Variants in LRP1B observed in about 807,000 individuals in gnomAD.
The protein encoded by LRP1B is low-density lipoprotein receptor-related protein 1B.
In LRP1B, 217 loss-of-function variants were observed where a neutral mutation model predicts 556.6. That is an observed-to-expected ratio of 0.39 (90% CI 0.35 to 0.44). The LOEUF (loss-of-function observed/expected upper bound fraction) is 0.44, where lower values mean the gene tolerates loss of function less well. Among genes scored for constraint, LRP1B ranks in the 20% least tolerant of loss-of-function variants. The probability of loss-of-function intolerance (pLI) is 1.00; values close to 1 mark genes in which losing one functional copy is unlikely to be tolerated. For synonymous variants in LRP1B, 2,047 were observed against 1,865.8 expected, an observed-to-expected ratio of 1.10 and a Z score of -2.50; for missense variants, 5,053 against 5,620.8, an observed-to-expected ratio of 0.90 and a Z score of 3.23.
Position 141,077,871 on chromosome 2 carries a change from T to C in LRP1B, c.1014-15598A>G, listed in dbSNP as rs75577402. 2.4e-3 allele frequency among the ~76,000 whole-genome samples: 370 copies of C among 152,266 alleles called. 18 individuals carry two copies. In the East Asian group the frequency reaches 0.068, roughly 28 times the overall value. The stretch of plus-strand genomic sequence containing the variant: ...ATTTTGACTAATACAGTATCCAAAA[T>C]TCTTTTGGAGACCACTTCTCTGCCA... On this transcript the variant is annotated intron_variant, in intron 7 of 90. Coordinates refer to ENST00000389484, the MANE Select transcript of LRP1B (RefSeq NM_018557.3).
At chr2:142,044,668 T>G (rs530629419) in intron 1 of LRP1B, among the ~76,000 whole-genome samples, 1 of 151,862 alleles carries the variant, frequency 6.6e-6, no homozygotes, top group Non-Finnish European at 1.5e-5. Context: ...CCAAGGATAT[T>G]CATCAATTCT....
intron 41 of LRP1B, among the ~76,000 whole-genome samples, chr2:140,694,407 C>T (rs1339112635): frequency 1.3e-5 from 2 of 152,244 alleles, no homozygotes; most frequent in East Asian, 3.9e-4. Flanking sequence ...GAAGATTTTA[C>T]TCTTGTTGCT....
At chr2:141,633,966 C>A (rs550359639) in intron 2 of LRP1B, among the ~76,000 whole-genome samples, 1 of 151,786 alleles carries the variant, frequency 6.6e-6, no homozygotes, top group Non-Finnish European at 1.5e-5. Context: ...CTTGATTCTA[C>A]GGAGATTAAC....
At position 140,487,657 on chromosome 2, in the gene LRP1B, C is replaced by G. The variant is rs1688524453; in HGVS notation, c.9203G>C (p.Ser3068Thr). The change falls in exon 58 of 91, where the codon AGT becomes ACT. Residue 3068 changes from serine to threonine, a missense_variant. Ser to Thr is a moderately conservative substitution (Grantham distance 58, BLOSUM62 1). Coordinates refer to ENST00000389484, the MANE Select transcript of LRP1B (RefSeq NM_018557.3). ...ATTTAAACACATTCTATTTATGCGA[C>G]TGCCATTGGGTCGGCTAGAATCGAT... ...YWIDSSRPNG[S>T]RINRMCLNGS... The G allele has an allele frequency of 6.2e-7, 1 of 1,608,204 alleles. No homozygotes were observed. The highest frequency in any genetic ancestry group is 1.1e-5 in the South Asian group (1 of 90,666).
chr2:140,456,681 C>T, intron 61 of LRP1B, 78 bp from the exon 62 acceptor site: 1 of 1,276,866 alleles, frequency 7.8e-7, no homozygotes, highest in Non-Finnish European at 1.1e-6. Context: ...AGAGATAGGA[C>T]TTTTAAGCTG....
At chr2:140,944,318 C>T (rs1208731932) in intron 20 of LRP1B, among the ~76,000 whole-genome samples, 1 of 152,044 alleles carries the variant, frequency 6.6e-6, no homozygotes, top group Non-Finnish European at 1.5e-5. Flanking sequence ...GATGGATTCA[C>T]AGTCAAATTC....
intron 9 of LRP1B, among the ~76,000 whole-genome samples, chr2:141,057,270 C>A (rs1574029357): frequency 1.3e-5 from 2 of 152,008 alleles, no homozygotes; most frequent in East Asian, 3.9e-4. Context: ...GTCTACAGAG[C>A]CCTACTTGTT....
At chr2:141,978,036 C>T (rs1035263654) in intron 1 of LRP1B, among the ~76,000 whole-genome samples, 2 of 152,002 alleles carry the variant, frequency 1.3e-5, no homozygotes, top group African/African-American at 4.8e-5. Flanking sequence ...ATGAACAACT[C>T]GCAAACCACA....
chr2:141,100,472 T>C (rs76646228), intron 7 of LRP1B, among the ~76,000 whole-genome samples: 13,349 of 152,148 alleles, frequency 0.088, 641 homozygotes, highest in South Asian at 0.14. Flanking sequence ...GGCTAGAAAG[T>C]GTTAAGAAGG....
intron 2 of LRP1B, among the ~76,000 whole-genome samples, chr2:141,598,302 G>T (rs1035306485): frequency 1.3e-4 from 19 of 151,786 alleles, no homozygotes; most frequent in African/African-American, 4.1e-4. Flanking sequence ...AAAGCAATAA[G>T]GCTGTCTAAA....
At chr2:141,066,614 A>T (rs1299324419) in intron 7 of LRP1B, among the ~76,000 whole-genome samples, 2 of 151,992 alleles carry the variant, frequency 1.3e-5, no homozygotes, top group African/African-American at 4.8e-5. Flanking sequence ...AAAAAACATA[A>T]GGGAATTTAA....
intron 3 of LRP1B, among the ~76,000 whole-genome samples, chr2:141,369,438 G>A (rs1373159269): frequency 1.3e-5 from 2 of 151,770 alleles, no homozygotes; most frequent in African/African-American, 2.4e-5. Context: ...TGAATTCAAG[G>A]GCCCCAAAAA....
intron 3 of LRP1B, among the ~76,000 whole-genome samples, chr2:141,476,423 C>A (rs140454158): frequency 6.6e-4 from 100 of 152,132 alleles, no homozygotes; most frequent in Admixed American, 1.3e-3. Context: ...TTTCATTGCT[C>A]ATGCAATTAG....
At chr2:140,574,619 G>A (rs1313955218) in intron 43 of LRP1B, among the ~76,000 whole-genome samples, 1 of 152,156 alleles carries the variant, frequency 6.6e-6, no homozygotes, top group African/African-American at 2.4e-5. Flanking sequence ...GAATCATTAA[G>A]CATTACAATT....
chr2:140,933,583 T>C (rs1180814397), intron 20 of LRP1B, among the ~76,000 whole-genome samples: 1 of 152,098 alleles, frequency 6.6e-6, no homozygotes, highest in Admixed American at 6.6e-5. Context: ...GGTTCTTCAT[T>C]AAAATTAGGT....
intron 2 of LRP1B, among the ~76,000 whole-genome samples, chr2:141,793,663 G>A (rs1483007304): frequency 2.0e-5 from 3 of 151,534 alleles, no homozygotes; most frequent in African/African-American, 7.3e-5. Flanking sequence ...CTATTTTTAT[G>A]GCAAATAAAC....
At chr2:141,955,016 C>T (rs1701209047) in intron 1 of LRP1B, among the ~76,000 whole-genome samples, 1 of 152,050 alleles carries the variant, frequency 6.6e-6, no homozygotes, top group African/African-American at 2.4e-5. Flanking sequence ...TCAAGAGATG[C>T]TATAAGAACA....
At chr2:141,722,046 T>C (rs1692835797) in intron 2 of LRP1B, among the ~76,000 whole-genome samples, 2 of 152,148 alleles carry the variant, frequency 1.3e-5, no homozygotes, top group South Asian at 2.1e-4. Context: ...ATGTCTTCTG[T>C]AGTTTTCCAC....
chr2:141,449,612 A>G (rs1213965210), intron 3 of LRP1B, among the ~76,000 whole-genome samples: 1 of 74,710 alleles, frequency 1.3e-5, no homozygotes, highest in African/African-American at 5.0e-5. Flanking sequence ...TGACTAAGAT[A>G]TATGTGCAAG....
Sources: gnomAD v4.1 joint callset for allele counts (sites outside exome capture counted in the v4.1 genomes callset) on GRCh38, gnomAD v4.1.1 for gene constraint, MANE v1.5 for transcripts, NCBI Gene and HGNC (gene_info 2026-07-23, HGNC 2026-07-21) for gene names.